The following KSR2 variants were observed in gnomAD, a reference collection of about 807,000 sequenced individuals.
KSR2 encodes the protein kinase suppressor of ras 2.
KSR2 carries 25 observed loss-of-function variants against 107.8 expected under a neutral mutation model. That is an observed-to-expected ratio of 0.23 (90% CI 0.17 to 0.32). The LOEUF is 0.32. Among genes scored for constraint, KSR2 ranks in the 10% least tolerant of loss-of-function variants. The pLI is 1.00. For missense variants in KSR2, 887 were observed against 1,268.9 expected (o/e 0.70, Z 4.57); for synonymous variants, 480 against 507.0 (o/e 0.95, Z 0.71).
At chr12:117,487,689 C>T (rs773862284) in intron 14 of KSR2, among the ~76,000 whole-genome samples, 5 of 152,170 alleles carry the variant, frequency 3.3e-5, no homozygotes, top group African/African-American at 7.2e-5. Flanking sequence ...AGCAAATCAC[C>T]GCCAACAGGC....
At chr12:117,914,358 G>A (rs1162699679) in intron 1 of KSR2, among the ~76,000 whole-genome samples, 1 of 151,110 alleles carries the variant, frequency 6.6e-6, no homozygotes, top group Non-Finnish European at 1.5e-5. Flanking sequence ...GAACCCAGGA[G>A]GTGGATGCTG....
chr12:117,581,173 A>T (rs1879640555), intron 6 of KSR2, among the ~76,000 whole-genome samples: 1 of 152,188 alleles, frequency 6.6e-6, no homozygotes, highest in Non-Finnish European at 1.5e-5. Context: ...TGTTGATGAG[A>T]TGCCATTCCA....
chr12:117,663,023 G>C (rs1438629792), intron 5 of KSR2, among the ~76,000 whole-genome samples: 2 of 151,912 alleles, frequency 1.3e-5, no homozygotes, highest in Non-Finnish European at 2.9e-5. Flanking sequence ...AGTCTAGGTG[G>C]AGCAGCAAAT....
At chr12:117,650,984 C>A (rs1434186231) in intron 5 of KSR2, among the ~76,000 whole-genome samples, 2 of 152,100 alleles carry the variant, frequency 1.3e-5, no homozygotes, top group Non-Finnish European at 2.9e-5. Flanking sequence ...CACAGCCTCA[C>A]CAGGTGTTTA....
intron 4 of KSR2, among the ~76,000 whole-genome samples, chr12:117,697,139 G>A (rs1304601454): frequency 6.6e-6 from 1 of 152,220 alleles, no homozygotes; most frequent in East Asian, 1.9e-4. Context: ...TCCCCCTCGA[G>A]ATGGAAGGTT....
At chr12:117,513,275 C>A (rs1025625570) in intron 14 of KSR2, among the ~76,000 whole-genome samples, 1 of 152,198 alleles carries the variant, frequency 6.6e-6, no homozygotes, top group African/African-American at 2.4e-5. Flanking sequence ...AGTGGTCAAT[C>A]AATCCTGATA....
chr12:117,494,718 T>C (rs1360807281), intron 14 of KSR2, among the ~76,000 whole-genome samples: 1 of 152,212 alleles, frequency 6.6e-6, no homozygotes, highest in African/African-American at 2.4e-5. Flanking sequence ...TTCAGAGAGA[T>C]ACAAGTGCTG....
chr12:117,545,895 T>C lies in KSR2; in HGVS notation c.1519-6008A>G, dbSNP rs187491624. On this transcript the variant is annotated intron_variant, in intron 9 of 19. Coordinates refer to ENST00000339824, the MANE Select transcript of KSR2 (RefSeq NM_173598.6). ...GACATTTTACCAGTTTGAGTGAAGTTTTCCTTTATGTCCTTACCCTCCTCC... is the reference window on the plus strand; with the variant it reads ...GACATTTTACCAGTTTGAGTGAAGTCTTCCTTTATGTCCTTACCCTCCTCC... Among the ~76,000 whole-genome samples the C allele has an allele frequency of 3.9e-5, 6 of 152,286 alleles. No homozygotes were observed. The East Asian group carries it at 7.7e-4, about 20-fold the overall frequency.
At chr12:117,697,758 AG>A (rs1301133295) in intron 4 of KSR2, among the ~76,000 whole-genome samples, 3 of 149,872 alleles carry the variant, frequency 2.0e-5, no homozygotes, top group Non-Finnish European at 3.0e-5. Flanking sequence ...AAAAAAAAAA[AG>A]GTTTCAGTGG....
chr12:117,950,080 T>G (rs148557285), intron 1 of KSR2, among the ~76,000 whole-genome samples: 3,343 of 151,960 alleles, frequency 0.022, 132 homozygotes, highest in African/African-American at 0.077. Flanking sequence ...CTCAAGCAAT[T>G]CTCTTGCCTC....
intron 1 of KSR2, among the ~76,000 whole-genome samples, chr12:117,890,012 T>G (rs897913864): frequency 5.3e-5 from 8 of 152,176 alleles, no homozygotes; most frequent in African/African-American, 1.9e-4. Flanking sequence ...AAACACAGAT[T>G]GCTAGAATCC....
intron 3 of KSR2, among the ~76,000 whole-genome samples, chr12:117,820,260 C>T (rs796402109): frequency 5.1e-4 from 78 of 152,284 alleles, no homozygotes; most frequent in African/African-American, 1.7e-3. Context: ...TCCCTGCGAT[C>T]TCTTCTAAAC....
intron 3 of KSR2, among the ~76,000 whole-genome samples, chr12:117,793,096 A>C (rs1175943609): frequency 7.0e-6 from 1 of 142,324 alleles, no homozygotes; most frequent in Non-Finnish European, 1.5e-5. Flanking sequence ...ACCAACATGC[A>C]CACTCACACC....
At chr12:117,793,918 A>ATG in intron 3 of KSR2, among the ~76,000 whole-genome samples, 1 of 141,658 alleles carries the variant, frequency 7.1e-6, no homozygotes. Flanking sequence ...TCACACCAAC[A>ATG]TGCACACACA....
intron 1 of KSR2, among the ~76,000 whole-genome samples, chr12:117,946,136 A>G (rs895752167): frequency 3.3e-5 from 5 of 152,200 alleles, no homozygotes; most frequent in Admixed American, 2.0e-4. Context: ...CAAGTCAACT[A>G]GTTCTCAAGT....
At chr12:117,516,410 A>G (rs1874380584) in intron 14 of KSR2, among the ~76,000 whole-genome samples, 1 of 152,146 alleles carries the variant, frequency 6.6e-6, no homozygotes, top group African/African-American at 2.4e-5. Context: ...ACTGACTCCT[A>G]TCATTTGGTA....
intron 1 of KSR2, among the ~76,000 whole-genome samples, chr12:117,885,258 A>T (rs934644582): frequency 3.3e-5 from 5 of 152,108 alleles, no homozygotes; most frequent in Admixed American, 3.3e-4. Context: ...GCCCCTATTT[A>T]TTGAGTGCTT....
intron 1 of KSR2, among the ~76,000 whole-genome samples, chr12:117,911,018 A>G (rs998982869): frequency 6.6e-6 from 1 of 152,210 alleles, no homozygotes; most frequent in Non-Finnish European, 1.5e-5. Flanking sequence ...ACTTCCACAC[A>G]TAAGTCATGC....
At chr12:117,561,086 A>C (rs957272129) in intron 7 of KSR2, among the ~76,000 whole-genome samples, 2 of 152,248 alleles carry the variant, frequency 1.3e-5, no homozygotes, top group Non-Finnish European at 2.9e-5. Flanking sequence ...ATAATGAGAT[A>C]CATTTTCATC....
Sources: allele counts gnomAD v4.1 joint callset (sites outside exome capture counted in the v4.1 genomes callset), GRCh38; gene constraint gnomAD v4.1.1; transcripts MANE v1.5; gene names NCBI Gene and HGNC (gene_info 2026-07-23, HGNC 2026-07-21).